Variants in ZNF331 observed in about 807,000 individuals in gnomAD.
The protein encoded by ZNF331 is C2H2-like zinc finger protein rearranged in thyroid adenomas.
In ZNF331, 2 loss-of-function variants were observed where a neutral mutation model predicts 7.0. The observed-to-expected ratio is 0.29, with a 90% CI of 0.12 to 0.90. ZNF331 has a LOEUF of 0.90. Among genes scored for constraint, ZNF331 ranks in the 40% least tolerant of loss-of-function variants. The pLI is 0.58. For synonymous variants in ZNF331, 196 were observed against 205.4 expected (o/e 0.95, Z 0.39); for missense variants, 432 against 587.7 (o/e 0.74, Z 2.74).
chr19:53,508,222 C>T, the ZNF331 span, among the ~76,000 whole-genome samples: 1 of 152,166 alleles, frequency 6.6e-6, no homozygotes, highest in African/African-American at 2.4e-5. Flanking sequence ...GAAAGTTGAT[C>T]TGTTTATCTG....
chr19:53,572,069 T>C (rs1182156849), intron 5 of ZNF331, among the ~76,000 whole-genome samples: 2 of 152,166 alleles, frequency 1.3e-5, no homozygotes, highest in African/African-American at 4.8e-5. Context: ...TGGTCGGTGT[T>C]ACTCTAGGGA....
chr19:53,570,840 C>CTTCTT (rs1157668837), intron 4 of ZNF331, among the ~76,000 whole-genome samples: 7 of 145,644 alleles, frequency 4.8e-5, no homozygotes, highest in South Asian at 2.2e-4. Context: ...CAAACCCTAT[C>CTTCTT]TTCTTTTCTT....
the ZNF331 span, among the ~76,000 whole-genome samples, chr19:53,504,812 T>C: frequency 1.3e-5 from 2 of 152,264 alleles, no homozygotes; most frequent in East Asian, 3.9e-4. Context: ...TGTGACTTTG[T>C]GTAAGAGGAA....
intron 2 of ZNF331, among the ~76,000 whole-genome samples, chr19:53,551,532 T>A (rs953751): frequency 1.3e-4 from 20 of 151,844 alleles, no homozygotes; most frequent in Non-Finnish European, 1.5e-4. Flanking sequence ...TTACACCTTA[T>A]AGGAGTAGAG....
At chr19:53,565,812 A>T (rs1009287048) in intron 3 of ZNF331, among the ~76,000 whole-genome samples, 1 of 152,144 alleles carries the variant, frequency 6.6e-6, no homozygotes, top group Non-Finnish European at 1.5e-5. Flanking sequence ...TACAGGAGTG[A>T]GCCACCATGG....
At chr19:53,504,895 A>T in the ZNF331 span, among the ~76,000 whole-genome samples, 1 of 152,148 alleles carries the variant, frequency 6.6e-6, no homozygotes, top group Admixed American at 6.5e-5. Flanking sequence ...AAATTCTCTC[A>T]CCCAAACTGG....
rs951985274 is a variant in ZNF331 at position 53,562,913 on chromosome 19, G to A, written c.-73-6391G>A. 2.0e-5 allele frequency among the ~76,000 whole-genome samples: 3 copies of A among 151,528 alleles called. No individual in the cohort carries two copies. In the South Asian group the frequency reaches 6.3e-4, roughly 32 times the overall value. Reference sequence around the variant, plus strand: ...TGAGGCAGGAGAATCGCTTGAACTCGGGAGGCAGAGGTTGCAGTGAGTCGA... The same window carrying A: ...TGAGGCAGGAGAATCGCTTGAACTCAGGAGGCAGAGGTTGCAGTGAGTCGA... On this transcript the variant is annotated intron_variant, in intron 3 of 5. Transcript: ENST00000449416.
In ZNF331 at chr19:53,548,256, T is replaced by C. The variant is rs932364481; in HGVS notation, c.-137-7589T>C. On this transcript the variant is annotated intron_variant, in intron 2 of 5. Coordinates refer to ENST00000449416, the MANE Select transcript of ZNF331 (RefSeq NM_001079906.2). The stretch of plus-strand genomic sequence containing the variant: ...CCGAGTAGCTGGGATTACAGGCGCG[T>C]GCCACCACGCCCGGCTAATTTTTTT... Among the ~76,000 whole-genome samples the C allele has an allele frequency of 5.3e-5, 8 of 152,052 alleles. No individual in the cohort carries two copies. In the East Asian group the frequency reaches 1.4e-3, roughly 26 times the overall value.
intron 2 of ZNF331, among the ~76,000 whole-genome samples, chr19:53,541,174 C>T (rs2088148019): frequency 6.8e-6 from 1 of 147,670 alleles, no homozygotes; most frequent in East Asian, 2.0e-4. Flanking sequence ...ATGGCGTGAT[C>T]TCAGCTCGCC....
chr19:53,543,966 T>G (rs910066228), intron 2 of ZNF331, among the ~76,000 whole-genome samples: 2 of 152,150 alleles, frequency 1.3e-5, no homozygotes, highest in Non-Finnish European at 2.9e-5. Flanking sequence ...CGGTGGCTCA[T>G]GGCTGTAATC....
chr19:53,523,984 G>C (rs2087192952), intron 2 of ZNF331, among the ~76,000 whole-genome samples: 1 of 152,114 alleles, frequency 6.6e-6, no homozygotes, highest in South Asian at 2.1e-4. Flanking sequence ...TCATTGTTCA[G>C]TTCCCACCTA....
the ZNF331 span, among the ~76,000 whole-genome samples, chr19:53,513,706 C>T: frequency 6.6e-6 from 1 of 152,256 alleles, no homozygotes; most frequent in East Asian, 1.9e-4. Flanking sequence ...GGCTGGAGTG[C>T]GATGGCACGA....
At chr19:53,570,516 A>G (rs1189597400) in intron 4 of ZNF331, among the ~76,000 whole-genome samples, 1 of 152,162 alleles carries the variant, frequency 6.6e-6, no homozygotes. Context: ...AAAACATTCA[A>G]ACATGCAAAC....
chr19:53,550,632 G>C (rs1434339558), intron 2 of ZNF331, among the ~76,000 whole-genome samples: 1 of 128,342 alleles, frequency 7.8e-6, no homozygotes, highest in Non-Finnish European at 1.6e-5. Flanking sequence ...CGCCTCCCAA[G>C]TTCAAGCGAT....
chr19:53,531,544 A>G (rs1458452302), intron 2 of ZNF331, among the ~76,000 whole-genome samples: 3 of 152,210 alleles, frequency 2.0e-5, no homozygotes, highest in Non-Finnish European at 4.4e-5. Context: ...GGAATCAAAC[A>G]CCACCTATCT....
chr19:53,533,444 G>A (rs940378273), upstream of ZNF331, among the ~76,000 whole-genome samples: 6 of 152,156 alleles, frequency 3.9e-5, no homozygotes, highest in South Asian at 2.1e-4. Flanking sequence ...ATGTGTGCTG[G>A]AGAAGAATAT....
the ZNF331 span, chr19:53,511,870 C>T: frequency 6.6e-6 from 1 of 152,190 alleles, no homozygotes; most frequent in South Asian, 2.1e-4. Context: ...ATATCTCACA[C>T]GAAACTGAAT....
At chr19:53,522,439 G>T (rs2087122826) in intron 1 of ZNF331, among the ~76,000 whole-genome samples, 1 of 152,034 alleles carries the variant, frequency 6.6e-6, no homozygotes, top group South Asian at 2.1e-4. Flanking sequence ...ATTTCACCAT[G>T]TTGGCATAGG....
the ZNF331 span, among the ~76,000 whole-genome samples, chr19:53,504,865 G>C: frequency 6.6e-6 from 1 of 152,170 alleles, no homozygotes; most frequent in Non-Finnish European, 1.5e-5. Flanking sequence ...GACAGAAAAC[G>C]GCTTTCTGGA....
Sources: gnomAD v4.1 joint callset for allele counts (sites outside exome capture counted in the v4.1 genomes callset) on GRCh38, gnomAD v4.1.1 for gene constraint, MANE v1.5 for transcripts, NCBI Gene and HGNC (gene_info 2026-07-23, HGNC 2026-07-21) for gene names.